The following CNGA1 variants were observed in gnomAD, a reference collection of about 807,000 sequenced individuals.
CNGA1 encodes the protein cyclic nucleotide gated channel subunit alpha 1.
In CNGA1, 53 loss-of-function variants were observed where a neutral mutation model predicts 69.7. That is an observed-to-expected ratio of 0.76 (90% CI 0.61 to 0.96). The LOEUF (loss-of-function observed/expected upper bound fraction) is 0.96. CNGA1 is among the 40% of genes least tolerant of loss of function. The pLI is 0.00. For synonymous variants in CNGA1, 249 were observed against 283.5 expected (o/e 0.88, Z 1.22); for missense variants, 739 against 811.2 (o/e 0.91, Z 1.08).
Position 47,951,357 on chromosome 4 carries a change from G to A in CNGA1, c.220C>T (p.Gln74Ter), listed in dbSNP as rs1490804242. 3 of 1,592,266 alleles carry A rather than the reference G, an allele frequency of 1.9e-6. No individual in the cohort carries two copies. The highest frequency in any genetic ancestry group is 2.6e-6 in the Non-Finnish European group (3 of 1,160,416). ...YKSLRKGGPS[Q>*]REQYLPGAIA... The stretch of plus-strand genomic sequence containing the variant: ...GGGATGGATCATACTGCTCACCTCT[G>A]TGATGGTCCTCCCTTTCTGAGTGAC... The change falls in exon 5 of 11, where the codon CAG becomes TAG. Residue 74 changes from glutamine to a stop codon, truncating the protein, a stop_gained. Coordinates refer to ENST00000514170, the MANE Select transcript of CNGA1 (RefSeq NM_001379270.1). LOFTEE classifies it high-confidence loss of function.
chr4:47,947,983 T>C (rs1739508231), intron 6 of CNGA1, among the ~76,000 whole-genome samples: 1 of 152,212 alleles, frequency 6.6e-6, no homozygotes, highest in African/African-American at 2.4e-5. Context: ...AGTCACTTGA[T>C]GGCAAGTTAA....
intron 9 of CNGA1, 69 bp from the exon 10 acceptor site, chr4:47,940,938 G>T: frequency 4.8e-6 from 5 of 1,040,498 alleles, no homozygotes; most frequent in Non-Finnish European, 7.4e-6. Context: ...AGTTCTCTTT[G>T]TATATTTTCT....
At position 47,952,630 on chromosome 4, in the gene CNGA1, T is replaced by C. The variant is rs548847492; in HGVS notation, c.60A>G (p.Val20=). The change falls in exon 4 of 11, where the codon GTA becomes GTG. Residue 20 remains valine (V), a synonymous_variant. Coordinates refer to ENST00000514170, the MANE Select transcript of CNGA1 (RefSeq NM_001379270.1). The part of the protein sequence containing the change: ...QSFVTMPNVI[V]PDIEKEIRRM... ...TTCGTATTTCCTTTTCAATATCTGG[T>C]ACAATCACATTGGGCATGGTTACAA... The C allele has an allele frequency of 2.5e-6, 4 of 1,610,344 alleles. No individual in the cohort carries two copies. In the African/African-American group the frequency reaches 4.0e-5, roughly 16 times the overall value.
intron 3 of CNGA1, among the ~76,000 whole-genome samples, chr4:47,967,568 GA>G (rs1024500883): frequency 3.9e-5 from 6 of 151,998 alleles, no homozygotes; most frequent in Admixed American, 2.0e-4. Flanking sequence ...TCAGCATCTA[GA>G]AAAAAATGAT....
At chr4:47,981,750 G>A (rs992596323) in intron 2 of CNGA1, among the ~76,000 whole-genome samples, 2 of 152,210 alleles carry the variant, frequency 1.3e-5, no homozygotes, top group African/African-American at 2.4e-5. Flanking sequence ...GGTTCTCAAA[G>A]CTACATCTCT....
chr4:47,951,435 A>T lies in CNGA1; in HGVS notation c.142T>A (p.Ser48Thr). Residue 48 changes from serine to threonine, a missense_variant, in exon 5 of 11, where the codon TCT (serine) becomes ACT (threonine). Ser to Thr is a moderately conservative substitution (Grantham distance 58). Coordinates refer to ENST00000514170, the MANE Select transcript of CNGA1 (RefSeq NM_001379270.1). ...FSEDDDSAST[S>T]EESENENPHA... is the part of the protein sequence containing the mutation. Reference sequence around the variant, plus strand: ...GGGTTTTCATTCTCTGATTCTTCAGATGTAGAGGCACTGTCATCATCCTCA... The same window carrying T: ...GGGTTTTCATTCTCTGATTCTTCAGTTGTAGAGGCACTGTCATCATCCTCA... The T allele has an allele frequency of 6.2e-7, 1 of 1,613,596 alleles. No homozygotes were observed.
At chr4:47,989,840 C>T (rs1379335941) in intron 2 of CNGA1, among the ~76,000 whole-genome samples, 2 of 151,632 alleles carry the variant, frequency 1.3e-5, no homozygotes, top group Non-Finnish European at 2.9e-5. Context: ...TTGTGTCATT[C>T]TTATTGCGGG....
chr4:47,961,358 G>A (rs1740427130), intron 3 of CNGA1, among the ~76,000 whole-genome samples: 1 of 152,188 alleles, frequency 6.6e-6, no homozygotes, highest in Non-Finnish European at 1.5e-5. Flanking sequence ...GTTGGGGTTG[G>A]GGGCTGTGGA....
Position 47,976,294 on chromosome 4 carries a change from T to TAC in CNGA1, c.-15+5097_-15+5098dup, listed in dbSNP as rs1204083921. On this transcript the variant is annotated intron_variant, in intron 3 of 10. Coordinates refer to ENST00000514170, the MANE Select transcript of CNGA1 (RefSeq NM_001379270.1). ...ATACATATATATGTATATATATATA[T>TAC]ACACATACATATATATATACATATA... Among the ~76,000 whole-genome samples, 2 of 37,818 alleles carry TAC rather than the reference T, an allele frequency of 5.3e-5. 1 individual carries two copies. The highest frequency in any genetic ancestry group is 2.2e-4 in the African/African-American group (2 of 9,262). The allele number at this position is 37,818 out of a possible 152,430, so 24.8% of individuals were successfully genotyped here.
intron 2 of CNGA1, among the ~76,000 whole-genome samples, chr4:47,985,656 T>A (rs1424842042): frequency 6.6e-6 from 1 of 151,936 alleles, no homozygotes; most frequent in African/African-American, 2.4e-5. Context: ...ACACACACAC[T>A]CTCTCTCTCC....
chr4:47,943,326 T>A (rs774237739), intron 7 of CNGA1, 38 bp from the exon 8 acceptor site: 3 of 1,423,614 alleles, frequency 2.1e-6, no homozygotes, highest in South Asian at 2.5e-5. Context: ...AATACAGAAA[T>A]GTTATGGGCA....
chr4:47,943,477 T>A, intron 6 of CNGA1, 65 bp from the exon 7 acceptor site: 1 of 1,041,624 alleles, frequency 9.6e-7, no homozygotes, highest in East Asian at 2.7e-5. Flanking sequence ...ACTTTCTTTT[T>A]CATTGAGCAA....
intron 1 of CNGA1, among the ~76,000 whole-genome samples, chr4:48,013,842 G>A (rs1715267215): frequency 6.6e-6 from 1 of 152,104 alleles, no homozygotes; most frequent in Non-Finnish European, 1.5e-5. Context: ...CTACTCCCCA[G>A]CTACCACCCC....
At chr4:47,952,123 G>A (rs1188660054) in intron 4 of CNGA1, among the ~76,000 whole-genome samples, 5 of 152,124 alleles carry the variant, frequency 3.3e-5, no homozygotes, top group South Asian at 2.1e-4. Context: ...AACACTTTGG[G>A]AGGCCGAGGC....
intron 3 of CNGA1, among the ~76,000 whole-genome samples, chr4:47,968,060 G>T (rs986915719): frequency 6.6e-6 from 1 of 152,176 alleles, no homozygotes; most frequent in Non-Finnish European, 1.5e-5. Context: ...AGAGTTCTCT[G>T]CCAGTTGGAT....
intron 4 of CNGA1, among the ~76,000 whole-genome samples, chr4:47,952,003 C>A (rs1739770695): frequency 6.6e-6 from 1 of 152,122 alleles, no homozygotes; most frequent in Non-Finnish European, 1.5e-5. Flanking sequence ...AAAAGCCCTG[C>A]CATTGACTAA....
At chr4:48,008,014 T>A (rs1256684229) in intron 2 of CNGA1, among the ~76,000 whole-genome samples, 1 of 152,156 alleles carries the variant, frequency 6.6e-6, no homozygotes, top group Non-Finnish European at 1.5e-5. Flanking sequence ...ATAAATAAAA[T>A]CTCTTATAAT....
At chr4:47,940,021 G>GGA (rs1475651387) in intron 10 of CNGA1, among the ~76,000 whole-genome samples, 4 of 152,096 alleles carry the variant, frequency 2.6e-5, no homozygotes, top group Non-Finnish European at 1.5e-5. Flanking sequence ...TTAGACACTT[G>GGA]GGATCTTCCC....
chr4:47,979,595 A>C lies in CNGA1; in HGVS notation c.-15+1798T>G, dbSNP rs541739549. Among the ~76,000 whole-genome samples, 195 of 152,332 alleles carry C rather than the reference A, an allele frequency of 1.3e-3. 2 individuals are homozygous for C. Among genetic ancestry groups the C allele is most frequent in the Middle Eastern group, 6.8e-3 (2 of 294 alleles). The stretch of plus-strand genomic sequence containing the variant: ...TCTGCCTAGGAAAATGCCTAGCGTT[A>C]GAGTAGGAACTAAATAAATATTTGT... On this transcript the variant is annotated intron_variant, in intron 3 of 10. Coordinates refer to ENST00000514170, the MANE Select transcript of CNGA1 (RefSeq NM_001379270.1).
Sources: gnomAD v4.1 joint callset for allele counts (sites outside exome capture counted in the v4.1 genomes callset) on GRCh38, gnomAD v4.1.1 for gene constraint, MANE v1.5 for transcripts, NCBI Gene and HGNC (gene_info 2026-07-23, HGNC 2026-07-21) for gene names.